KDM2B: variants seen among roughly 807,000 people sequenced by gnomAD.
The protein encoded by KDM2B is lysine-specific demethylase 2B.
KDM2B carries 26 observed loss-of-function variants against 150.0 expected under a neutral mutation model. The ratio of observed to expected loss-of-function variants is 0.17; its 90% CI spans 0.13 to 0.24. The LOEUF is 0.24. KDM2B is among the 10% of genes least tolerant of loss of function. KDM2B has a pLI of 1.00. For synonymous variants in KDM2B, 734 were observed against 729.5 expected (o/e 1.01, Z -0.10); for missense variants, 1,265 against 1,816.9 (o/e 0.70, Z 5.52).
Position 121,509,642 on chromosome 12 carries a change from C to T in KDM2B, c.1572G>A (p.Leu524=). The T allele has an allele frequency of 6.2e-7, 1 of 1,614,000 alleles. No homozygotes were observed. Among genetic ancestry groups the T allele is most frequent in the Non-Finnish European group, 8.5e-7 (1 of 1,180,018 alleles). The change falls in exon 11 of 23, where the codon CTG becomes CTA. Residue 524 remains leucine, a synonymous_variant. Transcript: ENST00000377071. ...LKGLKALVEK[L]ESLPENKKCV... ...ACTTCTTGTTCTCCGGGAGGGATTC[C>T]AGTTTCTCCACCAGAGCTTTCAGGC...
At chr12:121,553,867 A>G (rs569991233) in intron 4 of KDM2B, among the ~76,000 whole-genome samples, 1 of 152,206 alleles carries the variant, frequency 6.6e-6, no homozygotes, top group Non-Finnish European at 1.5e-5. Context: ...GACTTTCATA[A>G]TGGTTGCACA....
At chr12:121,562,164 A>C (rs1331924321) in intron 4 of KDM2B, among the ~76,000 whole-genome samples, 1 of 147,938 alleles carries the variant, frequency 6.8e-6, no homozygotes, top group Non-Finnish European at 1.5e-5. Flanking sequence ...TTTTTCCATG[A>C]CTCTGTCTTG....
the KDM2B span, chr12:121,418,177 CAGTT>C: frequency 2.3e-6 from 1 of 430,456 alleles, no homozygotes; most frequent in Non-Finnish European, 4.2e-6. Flanking sequence ...CTGTCTTACA[CAGTT>C]AGACACTAAC....
chr12:121,580,437 T>C, intron 1 of KDM2B: 1 of 1,151,364 alleles, frequency 8.7e-7, no homozygotes. Context: ...GTTAGCGCCG[T>C]GGCATCGCTG....
chr12:121,465,038 C>T (rs1273589914), intron 12 of KDM2B, among the ~76,000 whole-genome samples: 1 of 152,034 alleles, frequency 6.6e-6, no homozygotes, highest in Non-Finnish European at 1.5e-5. Context: ...ACAAGCCTGC[C>T]CCCCACTGCC....
At chr12:121,432,302 A>G (rs1873186878) in intron 22 of KDM2B, among the ~76,000 whole-genome samples, 2 of 152,276 alleles carry the variant, frequency 1.3e-5, no homozygotes, top group South Asian at 4.1e-4. Context: ...AGGAAGTTGT[A>G]GAATGTTATC....
At position 121,443,020 on chromosome 12, in the gene KDM2B, C is replaced by A. The variant is rs1555289012; in HGVS notation, c.2576G>T (p.Gly859Val). 4 of 1,612,972 alleles carry A rather than the reference C, an allele frequency of 2.5e-6. No individual in the cohort carries two copies. Among genetic ancestry groups the A allele is most frequent in the Admixed American group, 1.7e-5 (1 of 59,852 alleles). ...TTTCCTGAAAAGCTTATCTTCTTTG[C>A]CAGGTTTGAGCTGTCACGAAAAAGA... ...LTYFQQQLKPGKEDKLFRKKR... is the reference protein window; with the variant it reads ...LTYFQQQLKPVKEDKLFRKKR... The change falls in exon 18 of 23, where the codon GGC becomes GTC. Residue 859 changes from glycine (G) to valine (V), a missense_variant. By Grantham distance (109) the Gly-to-Val change is moderately radical (BLOSUM62 -3). Coordinates refer to ENST00000377071, the MANE Select transcript of KDM2B (RefSeq NM_032590.5).
chr12:121,579,753 C>G, intron 1 of KDM2B: 1 of 1,443,368 alleles, frequency 6.9e-7, no homozygotes, highest in Non-Finnish European at 9.3e-7. Context: ...CGGGCGAACC[C>G]CGAGCCCGCT....
the KDM2B span, among the ~76,000 whole-genome samples, chr12:121,413,298 A>G: frequency 6.6e-6 from 1 of 152,190 alleles, no homozygotes; most frequent in Non-Finnish European, 1.5e-5. Context: ...AAGTGCTGGG[A>G]TTACAGGCAT....
chr12:121,441,716 G>A (rs1316398600), intron 19 of KDM2B, among the ~76,000 whole-genome samples: 2 of 152,224 alleles, frequency 1.3e-5, no homozygotes, highest in Non-Finnish European at 2.9e-5. Context: ...ATGAGCCACT[G>A]CGCCCGGCCT....
chr12:121,488,255 C>T (rs957460997), intron 12 of KDM2B, among the ~76,000 whole-genome samples: 2 of 152,152 alleles, frequency 1.3e-5, no homozygotes. Context: ...AACCATTCAG[C>T]CCCTTCCGCT....
intron 17 of KDM2B, 200 bp from the exon 18 acceptor site, chr12:121,443,230 G>C (rs1425706508): frequency 1.6e-6 from 1 of 615,954 alleles, no homozygotes; most frequent in East Asian, 2.7e-5. Flanking sequence ...CTGGAAGTAG[G>C]AGTACAGTTG....
intron 22 of KDM2B, among the ~76,000 whole-genome samples, chr12:121,433,734 T>G (rs1290178582): frequency 1.3e-5 from 2 of 152,168 alleles, no homozygotes; most frequent in Non-Finnish European, 2.9e-5. Context: ...AAAATTCATG[T>G]GAATGCATGG....
At position 121,509,890 on chromosome 12, in the gene KDM2B, C is replaced by T; in HGVS notation, c.1324G>A (p.Gly442Ser). ...RDRAPKPPTD[G>S]STSPTSTPSE... is the part of the protein sequence containing the mutation. The stretch of plus-strand genomic sequence containing the variant: ...GGCGTGCTGGTGGGTGAAGTGGAGC[C>T]ATCGGTGGGCGGTTTGGGTGCCCTG... Residue 442 changes from glycine (G) to serine (S), a missense_variant, in exon 11 of 23, where the codon GGC becomes AGC. Transcript: ENST00000377071. The T allele has an allele frequency of 1.2e-6, 2 of 1,613,832 alleles. No homozygotes were observed. The highest frequency in any genetic ancestry group is 1.7e-6 in the Non-Finnish European group (2 of 1,179,970).
chr12:121,485,364 G>A (rs548988748), intron 12 of KDM2B, among the ~76,000 whole-genome samples: 3 of 152,006 alleles, frequency 2.0e-5, no homozygotes, highest in Admixed American at 6.6e-5. Context: ...ACCCGAAGTC[G>A]CCCTGTAAAT....
chr12:121,486,616 G>A (rs1882794539), intron 12 of KDM2B, among the ~76,000 whole-genome samples: 1 of 151,932 alleles, frequency 6.6e-6, no homozygotes, highest in African/African-American at 2.4e-5. Flanking sequence ...GTGAAACCCT[G>A]TCTCTACTAA....
intron 11 of KDM2B, among the ~76,000 whole-genome samples, chr12:121,496,513 T>TC (rs1555301013): frequency 1.3e-5 from 2 of 149,132 alleles, no homozygotes; most frequent in Non-Finnish European, 3.0e-5. Context: ...TTTTTTTTTT[T>TC]TGAGACAGGG....
intron 6 of KDM2B, among the ~76,000 whole-genome samples, chr12:121,543,762 G>C (rs1432178713): frequency 6.6e-6 from 1 of 151,884 alleles, no homozygotes; most frequent in Non-Finnish European, 1.5e-5. Context: ...AGGTTGCAGT[G>C]AGTCGAGATC....
At chr12:121,525,079 G>A (rs1188421291) in intron 8 of KDM2B, among the ~76,000 whole-genome samples, 2 of 152,102 alleles carry the variant, frequency 1.3e-5, no homozygotes, top group African/African-American at 4.8e-5. Context: ...CAACCCAACC[G>A]GACCCTGGCT....
Sources: allele counts gnomAD v4.1 joint callset (sites outside exome capture counted in the v4.1 genomes callset), GRCh38; gene constraint gnomAD v4.1.1; transcripts MANE v1.5; gene names NCBI Gene and HGNC (gene_info 2026-07-23, HGNC 2026-07-21).